KTN1: variants seen among roughly 807,000 people sequenced by gnomAD.
KTN1 encodes the protein kinectin.
KTN1 carries 130 observed loss-of-function variants against 222.5 expected under a neutral mutation model. That is an observed-to-expected ratio of 0.58 (90% CI 0.51 to 0.68). KTN1 has a LOEUF of 0.68. Ranked by LOEUF, KTN1 falls within the 30% of genes least tolerant of loss-of-function variation. The pLI is 0.00. For synonymous variants in KTN1, 512 were observed against 496.3 expected, an observed-to-expected ratio of 1.03 and a Z score of -0.42; for missense variants, 1,508 against 1,500.4, an observed-to-expected ratio of 1.01 and a Z score of -0.08.
At chr14:55,682,264 C>G (rs562277551) in intron 43 of KTN1, 16 of 151,934 alleles carry the variant, frequency 1.1e-4, no homozygotes, top group African/African-American at 3.9e-4. Flanking sequence ...TCCCCATTAC[C>G]TATTTTTCCT....
At chr14:55,674,749 CAGG>C (rs1486668128) in intron 40 of KTN1, 3 of 152,114 alleles carry the variant, frequency 2.0e-5, no homozygotes, top group Admixed American at 6.6e-5. Context: ...CTACTTCTGT[CAGG>C]AGATCATTTT....
In KTN1 at chr14:55,650,568, G is replaced by T; in HGVS notation, c.2497-1G>T. 6.2e-7 allele frequency: 1 copy of T among 1,609,434 alleles called. No individual in the cohort carries two copies. Among genetic ancestry groups the T allele is most frequent in the Non-Finnish European group, 8.5e-7 (1 of 1,176,416 alleles). ...ATCTTGTCTGTTTTGTCATTGTCAAGGATTTGAAACAGGAAATAAAGGCTC... is the reference window on the plus strand; with the variant it reads ...ATCTTGTCTGTTTTGTCATTGTCAATGATTTGAAACAGGAAATAAAGGCTC... On this transcript the variant is annotated splice_acceptor_variant, in intron 23 of 43. Coordinates refer to ENST00000395314, the MANE Select transcript of KTN1 (RefSeq NM_001079521.2). LOFTEE classifies it high-confidence loss of function.
At chr14:55,607,367 A>T (rs552105700) in intron 1 of KTN1, 1 of 152,176 alleles carries the variant, frequency 6.6e-6, no homozygotes, top group African/African-American at 2.4e-5. Context: ...TAGGGCAGGA[A>T]TGAAAACTCT....
chr14:55,600,298 A>G (rs573324399), intron 1 of KTN1, among the ~76,000 whole-genome samples: 3 of 152,186 alleles, frequency 2.0e-5, no homozygotes, highest in Admixed American at 6.5e-5. Context: ...CCAAAGGATG[A>G]TAAATTTTTG....
chr14:55,664,170 T>G, intron 33 of KTN1, 129 bp downstream of exon 33: 3 of 614,136 alleles, frequency 4.9e-6, no homozygotes, highest in Non-Finnish European at 8.4e-6. Flanking sequence ...ATTTATCATC[T>G]CTATCATCTC....
chr14:55,664,392 A>G (rs2044476422), intron 33 of KTN1, among the ~76,000 whole-genome samples: 1 of 152,158 alleles, frequency 6.6e-6, no homozygotes, highest in South Asian at 2.1e-4. Context: ...GAATTAACAA[A>G]CACATTTGAA....
At position 55,672,671 on chromosome 14, in the gene KTN1, A is replaced by G. The variant is rs777761021; in HGVS notation, c.3573A>G (p.Arg1191=). The part of the protein sequence containing the change: ...SFTSSEQELE[R]LRSENKDIEN... ...CATCTTCAGAACAAGAGCTAGAGCGATTAAGAAGCGAAAATAAGGATATTG... is the reference window on the plus strand; with the variant it reads ...CATCTTCAGAACAAGAGCTAGAGCGGTTAAGAAGCGAAAATAAGGATATTG... Residue 1191 remains arginine, a synonymous_variant, in exon 38 of 44, where the codon CGA becomes CGG. Coordinates refer to ENST00000395314, the MANE Select transcript of KTN1 (RefSeq NM_001079521.2). 2 of 1,605,922 alleles carry G rather than the reference A, an allele frequency of 1.2e-6. No homozygotes were observed. Among genetic ancestry groups the G allele is most frequent in the Non-Finnish European group, 1.7e-6 (2 of 1,173,076 alleles).
At chr14:55,655,190 G>T (rs2043343071) in intron 28 of KTN1, among the ~76,000 whole-genome samples, 1 of 152,000 alleles carries the variant, frequency 6.6e-6, no homozygotes, top group South Asian at 2.1e-4. Context: ...TGTTGCCCAG[G>T]CTGGTCTTGA....
Position 55,671,848 on chromosome 14 carries a change from G to A in KTN1, c.3502G>A (p.Val1168Ile). 6.2e-7 allele frequency: 1 copy of A among 1,605,592 alleles called. No individual in the cohort carries two copies. Among genetic ancestry groups the A allele is most frequent in the Non-Finnish European group, 8.5e-7 (1 of 1,172,494 alleles). ...EQEENKWKVKVDESHKTIKQM... is the reference protein window; with the variant it reads ...EQEENKWKVKIDESHKTIKQM... ...AGAAGAAAATAAATGGAAAGTTAAG[G>A]TCGATGAATCACACAAGACTATTAA... The change falls in exon 37 of 44, where the codon GTC (valine) becomes ATC (isoleucine). Residue 1168 changes from valine to isoleucine, a missense_variant. Val to Ile is a conservative substitution (Grantham distance 29). Coordinates refer to ENST00000395314, the MANE Select transcript of KTN1 (RefSeq NM_001079521.2).
intron 1 of KTN1, among the ~76,000 whole-genome samples, chr14:55,586,427 CAT>C (rs2033017150): frequency 6.6e-6 from 1 of 152,118 alleles, no homozygotes; most frequent in South Asian, 2.1e-4. Flanking sequence ...ATTATCATAT[CAT>C]ATCATATTTA....
At chr14:55,644,205 A>G in intron 18 of KTN1, 1 of 471,458 alleles carries the variant, frequency 2.1e-6, no homozygotes, top group African/African-American at 2.0e-5. Flanking sequence ...AAGAGAAAAG[A>G]TTGGTATAAT....
chr14:55,613,087 A>G (rs2037828235), intron 2 of KTN1, among the ~76,000 whole-genome samples: 1 of 152,156 alleles, frequency 6.6e-6, no homozygotes, highest in South Asian at 2.1e-4. Flanking sequence ...AACATTTATC[A>G]TATATCTGTT....
chr14:55,610,178 G>A (rs1319344605), intron 1 of KTN1, among the ~76,000 whole-genome samples: 1 of 152,132 alleles, frequency 6.6e-6, no homozygotes, highest in Non-Finnish European at 1.5e-5. Context: ...CATGCCTGTT[G>A]AACAAACGAC....
At chr14:55,582,909 C>T (rs2140286106) in intron 1 of KTN1, among the ~76,000 whole-genome samples, 1 of 152,250 alleles carries the variant, frequency 6.6e-6, no homozygotes, top group Non-Finnish European at 1.5e-5. Flanking sequence ...TTAGAGGATA[C>T]AAGCAAGTAA....
chr14:55,627,438 CTTTTA>C (rs1028029698), intron 5 of KTN1, among the ~76,000 whole-genome samples: 4 of 151,738 alleles, frequency 2.6e-5, no homozygotes, highest in Non-Finnish European at 5.9e-5. Flanking sequence ...ATCTTAGCAC[CTTTTA>C]TTTTTTATTT....
At chr14:55,666,957 C>T (rs932111778) in intron 33 of KTN1, among the ~76,000 whole-genome samples, 2 of 151,894 alleles carry the variant, frequency 1.3e-5, no homozygotes, top group Non-Finnish European at 2.9e-5. Flanking sequence ...TGTTCCTGGA[C>T]AGGCAAATCA....
Position 55,678,451 on chromosome 14 carries a change from A to G in KTN1, c.3948+7A>G, listed in dbSNP as rs1375359745. 1 of 1,552,138 alleles carries G rather than the reference A, an allele frequency of 6.4e-7. No homozygotes were observed. The highest frequency in any genetic ancestry group is 8.9e-7 in the Non-Finnish European group (1 of 1,123,702). The stretch of plus-strand genomic sequence containing the variant: ...TGATGTTTCCCCAGAAACGGTATGT[A>G]TTTTCTTCATCCCCAGATCTCTGAG... On this transcript the variant is annotated splice_region_variant and intron_variant, in intron 42 of 43. Transcript: ENST00000395314.
intron 1 of KTN1, among the ~76,000 whole-genome samples, chr14:55,595,146 C>T (rs1314005575): frequency 6.6e-6 from 1 of 151,222 alleles, no homozygotes; most frequent in Non-Finnish European, 1.5e-5. Flanking sequence ...ATCCAGTGTA[C>T]TGTATGTACA....
chr14:55,675,166 T>C (rs1359658184), intron 40 of KTN1: 1 of 152,176 alleles, frequency 6.6e-6, no homozygotes, highest in Non-Finnish European at 1.5e-5. Flanking sequence ...AGAAGAAAGT[T>C]TTTTGGGAGC....
Sources: gnomAD v4.1 joint callset for allele counts (sites outside exome capture counted in the v4.1 genomes callset) on GRCh38, gnomAD v4.1.1 for gene constraint, MANE v1.5 for transcripts, NCBI Gene and HGNC (gene_info 2026-07-23, HGNC 2026-07-21) for gene names.